GRXCR1: variants seen among roughly 807,000 people sequenced by gnomAD.
The protein encoded by GRXCR1 is glutaredoxin and cysteine rich domain containing 1.
A neutral mutation model predicts 27.3 loss-of-function variants in GRXCR1; 27 were observed. The ratio of observed to expected loss-of-function variants is 0.99; its 90% CI spans 0.73 to 1.37. The LOEUF (loss-of-function observed/expected upper bound fraction) is 1.37, where lower values mean the gene tolerates loss of function less well. Among genes scored for constraint, GRXCR1 ranks in the 40% most tolerant of loss-of-function variants. GRXCR1 has a pLI of 0.00. For missense variants in GRXCR1, 379 were observed against 354.4 expected (o/e 1.07, Z -0.56); for synonymous variants, 122 against 131.1 (o/e 0.93, Z 0.47).
intron 2 of GRXCR1, among the ~76,000 whole-genome samples, chr4:43,005,824 T>C (rs938426358): frequency 2.0e-5 from 3 of 152,202 alleles, no homozygotes; most frequent in Non-Finnish European, 2.9e-5. Context: ...CAGCATGGTC[T>C]TCATGAAGCA....
intron 2 of GRXCR1, among the ~76,000 whole-genome samples, chr4:42,981,839 C>G (rs1446395499): frequency 6.6e-6 from 1 of 152,064 alleles, no homozygotes; most frequent in Non-Finnish European, 1.5e-5. Context: ...TGCTTATTTT[C>G]TTTTGCTTTC....
At chr4:42,946,583 A>G (rs1003925326) in intron 1 of GRXCR1, among the ~76,000 whole-genome samples, 1 of 152,174 alleles carries the variant, frequency 6.6e-6, no homozygotes, top group Non-Finnish European at 1.5e-5. Context: ...TGGAGCATAG[A>G]AAGTTCAAGA....
chr4:42,988,710 C>T (rs1711859102), intron 2 of GRXCR1, among the ~76,000 whole-genome samples: 2 of 152,138 alleles, frequency 1.3e-5, no homozygotes, highest in African/African-American at 4.8e-5. Context: ...CTGGCTGGTC[C>T]CTTTGGAAAA....
intron 1 of GRXCR1, among the ~76,000 whole-genome samples, chr4:42,901,841 C>T (rs1746468708): frequency 6.6e-6 from 1 of 152,104 alleles, no homozygotes; most frequent in African/African-American, 2.4e-5. Context: ...TTCCACAGCC[C>T]TTGGCTTTGG....
chr4:42,950,564 G>A (rs1464520782), intron 1 of GRXCR1, among the ~76,000 whole-genome samples: 3 of 152,278 alleles, frequency 2.0e-5, no homozygotes, highest in East Asian at 3.9e-4. Flanking sequence ...TAGTAGGAAT[G>A]TGGTTACCGG....
intron 2 of GRXCR1, among the ~76,000 whole-genome samples, chr4:42,997,742 C>T (rs991204349): frequency 1.3e-5 from 2 of 152,138 alleles, no homozygotes; most frequent in African/African-American, 4.8e-5. Context: ...TTAAAGCAGC[C>T]AATCGTAAGC....
At chr4:42,971,811 A>G (rs1748394038) in intron 2 of GRXCR1, among the ~76,000 whole-genome samples, 1 of 152,120 alleles carries the variant, frequency 6.6e-6, no homozygotes, top group Admixed American at 6.6e-5. Flanking sequence ...ATGCTCAAAG[A>G]CAGCTAGAAA....
At chr4:43,021,176 C>T (rs1046980622) in intron 3 of GRXCR1, among the ~76,000 whole-genome samples, 2 of 152,136 alleles carry the variant, frequency 1.3e-5, no homozygotes, top group African/African-American at 2.4e-5. Flanking sequence ...CTCTACCATT[C>T]CTTCCACTCT....
At chr4:42,983,866 C>T (rs1711575402) in intron 2 of GRXCR1, among the ~76,000 whole-genome samples, 1 of 145,698 alleles carries the variant, frequency 6.9e-6, no homozygotes, top group Non-Finnish European at 1.5e-5. Context: ...GACAGAGTCT[C>T]ACTCTGTCAC....
chr4:42,985,362 T>C (rs1711682039), intron 2 of GRXCR1, among the ~76,000 whole-genome samples: 1 of 152,200 alleles, frequency 6.6e-6, no homozygotes, highest in Non-Finnish European at 1.5e-5. Flanking sequence ...TTTTTCTAAA[T>C]ATGAATTTAA....
In GRXCR1 at chr4:42,993,214, C is replaced by T. The variant is rs193271725; in HGVS notation, c.628-27140C>T. Among the ~76,000 whole-genome samples the T allele has an allele frequency of 4.6e-4, 70 of 152,142 alleles. 1 individual carries two copies. Among genetic ancestry groups the T allele is most frequent in the Admixed American group, 2.9e-3 (45 of 15,278 alleles). Reference sequence around the variant, plus strand: ...GATCAGCTGAAAGTGTATTCCTGGCCAGATGGGAGTTATTCACATCTATAA... The same window carrying T: ...GATCAGCTGAAAGTGTATTCCTGGCTAGATGGGAGTTATTCACATCTATAA... On this transcript the variant is annotated intron_variant, in intron 2 of 3. Transcript: ENST00000399770.
chr4:42,979,793 G>T (rs548330514), intron 2 of GRXCR1, among the ~76,000 whole-genome samples: 60 of 151,922 alleles, frequency 3.9e-4, no homozygotes, highest in Non-Finnish European at 7.4e-4. Context: ...AAGCTATCAG[G>T]TCTTGGGCTT....
intron 2 of GRXCR1, among the ~76,000 whole-genome samples, chr4:43,002,281 G>A (rs571979144): frequency 6.6e-6 from 1 of 152,414 alleles, no homozygotes; most frequent in Admixed American, 6.5e-5. Flanking sequence ...CTATCACATG[G>A]GGAGAAACCT....
chr4:43,030,658 ATTGTCT>A (rs1713399609), downstream of GRXCR1: 11 of 855,756 alleles, frequency 1.3e-5, no homozygotes, highest in Non-Finnish European at 5.6e-6. Context: ...GTTTATTATA[ATTGTCT>A]TTGTGGTGAA....
intron 1 of GRXCR1, among the ~76,000 whole-genome samples, chr4:42,953,046 T>A (rs992664806): frequency 6.6e-6 from 1 of 152,176 alleles, no homozygotes; most frequent in Non-Finnish European, 1.5e-5. Context: ...TACACATCAG[T>A]ATCTTGATCC....
rs58948726 is a variant in GRXCR1 at position 42,916,099 on chromosome 4, GAA to G, written c.384+22460_384+22461del. The stretch of plus-strand genomic sequence containing the variant: ...GGTTTACCTTTCTTACATCATTTCA[GAA>G]AAAAAAAAAAGATTACTGAAGCATG... On this transcript the variant is annotated intron_variant, in intron 1 of 3. Coordinates refer to ENST00000399770, the MANE Select transcript of GRXCR1 (RefSeq NM_001080476.3). Among the ~76,000 whole-genome samples the G allele has an allele frequency of 1.5e-4, 22 of 145,984 alleles. No individual in the cohort carries two copies. The East Asian group carries it at 2.2e-3, about 15-fold the overall frequency.
chr4:42,970,989 G>C (rs984173094), intron 2 of GRXCR1, among the ~76,000 whole-genome samples: 1 of 152,054 alleles, frequency 6.6e-6, no homozygotes. Flanking sequence ...CATCTTAAAT[G>C]CTTTGCTGCT....
At chr4:42,997,702 C>A (rs1337486414) in intron 2 of GRXCR1, among the ~76,000 whole-genome samples, 1 of 152,170 alleles carries the variant, frequency 6.6e-6, no homozygotes, top group East Asian at 1.9e-4. Flanking sequence ...CTAGGGATGG[C>A]CTTTCTGTCC....
At chr4:42,933,615 G>A (rs1479111852) in intron 1 of GRXCR1, among the ~76,000 whole-genome samples, 1 of 151,834 alleles carries the variant, frequency 6.6e-6, no homozygotes, top group Non-Finnish European at 1.5e-5. Flanking sequence ...TTGGTTTTTG[G>A]AGGTGATTAG....
Sources: allele counts gnomAD v4.1 joint callset (sites outside exome capture counted in the v4.1 genomes callset), GRCh38; gene constraint gnomAD v4.1.1; transcripts MANE v1.5; gene names NCBI Gene and HGNC (gene_info 2026-07-23, HGNC 2026-07-21).